The following CYP3A43 variants were observed in gnomAD, a reference collection of about 807,000 sequenced individuals.
CYP3A43 encodes cytochrome P450 3A43.
In CYP3A43, 45 loss-of-function variants were observed where a neutral mutation model predicts 58.0. The observed-to-expected ratio is 0.78, with a 90% CI of 0.61 to 0.99. The LOEUF (loss-of-function observed/expected upper bound fraction) is 0.99. Among genes scored for constraint, CYP3A43 ranks in the 50% least tolerant of loss-of-function variants. CYP3A43 has a pLI of 0.00. For missense variants in CYP3A43, 593 were observed against 591.9 expected, an observed-to-expected ratio of 1.00 and a Z score of -0.02; for synonymous variants, 191 against 201.4, an observed-to-expected ratio of 0.95 and a Z score of 0.44.
chr7:99,831,843 G>A (rs553894465), intron 1 of CYP3A43, among the ~76,000 whole-genome samples: 1 of 152,206 alleles, frequency 6.6e-6, no homozygotes, highest in African/African-American at 2.4e-5. Flanking sequence ...TGCACAAGAG[G>A]AGGAATGGCC....
chr7:99,834,302 C>A (rs995550982), intron 1 of CYP3A43, among the ~76,000 whole-genome samples: 1 of 152,004 alleles, frequency 6.6e-6, no homozygotes, highest in Non-Finnish European at 1.5e-5. Flanking sequence ...AGGTAGCTGG[C>A]CTATAGTATT....
chr7:99,844,281 T>A, intron 4 of CYP3A43, 39 bp downstream of exon 4: 1 of 1,579,188 alleles, frequency 6.3e-7, no homozygotes, highest in Non-Finnish European at 8.6e-7. Context: ...CAAATTTTTA[T>A]TCTTAAATGA....
At chr7:99,843,728 A>G (rs1245617305) in intron 3 of CYP3A43, among the ~76,000 whole-genome samples, 2 of 152,170 alleles carry the variant, frequency 1.3e-5, no homozygotes, top group Non-Finnish European at 2.9e-5. Context: ...GGCCTCCCCA[A>G]AGTGCTGGAA....
At position 99,849,698 on chromosome 7, in the gene CYP3A43, T is replaced by G; in HGVS notation, c.670+4T>G. The G allele has an allele frequency of 3.8e-6, 6 of 1,576,224 alleles. No homozygotes were observed. The highest frequency in any genetic ancestry group is 4.3e-6 in the Non-Finnish European group (5 of 1,168,218). On this transcript the variant is annotated splice_donor_region_variant and intron_variant, in intron 7 of 12. Transcript: ENST00000354829. ...GATCCCTTTTTACTCTTAATATGTA[T>G]GTGGACTTTTATGTTATTTCTCTCT...
At chr7:99,848,053 A>T in intron 5 of CYP3A43, 113 bp from the exon 6 acceptor site, 1 of 1,031,954 alleles carries the variant, frequency 9.7e-7, no homozygotes. Flanking sequence ...TTTATGTCCT[A>T]GAGGACATGG....
chr7:99,846,745 AT>A (rs1482526210), intron 4 of CYP3A43, among the ~76,000 whole-genome samples: 3 of 152,138 alleles, frequency 2.0e-5, no homozygotes, highest in Non-Finnish European at 4.4e-5. Flanking sequence ...GTTTTTCAGA[AT>A]ATCAAATTGA....
chr7:99,834,733 G>A (rs988468188), intron 1 of CYP3A43, among the ~76,000 whole-genome samples: 1 of 152,210 alleles, frequency 6.6e-6, no homozygotes, highest in African/African-American at 2.4e-5. Flanking sequence ...TAGGCAGATT[G>A]TTTCTCCTAC....
At position 99,859,996 on chromosome 7, in the gene CYP3A43, G is replaced by A. The variant is rs751710411; in HGVS notation, c.1026+6G>A. 4 of 1,579,424 alleles carry A rather than the reference G, an allele frequency of 2.5e-6. No homozygotes were observed. The Admixed American group carries it at 7.3e-5, about 29-fold the overall frequency. ...ACGCAGTTTTACCCAATAAGGTAAG[G>A]GGATGATCCCCTGGAGAAGGAGGGA... On this transcript the variant is annotated splice_donor_region_variant and intron_variant, in intron 10 of 12. Transcript: ENST00000354829.
At chr7:99,863,289 T>C (rs1818313552) in intron 11 of CYP3A43, among the ~76,000 whole-genome samples, 1 of 152,190 alleles carries the variant, frequency 6.6e-6, no homozygotes, top group African/African-American at 2.4e-5. Context: ...AAGGGCATTA[T>C]CACTTTCCTC....
intron 1 of CYP3A43, among the ~76,000 whole-genome samples, chr7:99,834,897 C>G (rs546673309): frequency 1.3e-5 from 2 of 152,300 alleles, no homozygotes; most frequent in South Asian, 4.1e-4. Flanking sequence ...CCTCCCATGG[C>G]CACTGGTCCC....
intron 3 of CYP3A43, among the ~76,000 whole-genome samples, chr7:99,841,883 A>C (rs1817346820): frequency 6.6e-6 from 1 of 152,168 alleles, no homozygotes; most frequent in Admixed American, 6.5e-5. Context: ...GTAGAAAAGG[A>C]TCTGACACAT....
intron 7 of CYP3A43, 143 bp from the exon 8 acceptor site, chr7:99,855,448 A>G (rs1332222437): frequency 7.3e-6 from 8 of 1,097,728 alleles, no homozygotes; most frequent in Non-Finnish European, 2.5e-6. Context: ...GTCATACAGG[A>G]AGAGGGGCAA....
intron 4 of CYP3A43, among the ~76,000 whole-genome samples, chr7:99,845,478 G>T (rs579424): frequency 5.9e-5 from 9 of 151,618 alleles, no homozygotes; most frequent in Non-Finnish European, 1.5e-5. Flanking sequence ...GTGCACCACC[G>T]TGCTCATCTA....
In CYP3A43 at chr7:99,847,454, A is replaced by T. The variant is rs768620485; in HGVS notation, c.319-34A>T. On this transcript the variant is annotated intron_variant, in intron 4 of 12. Transcript: ENST00000354829. Reference sequence around the variant, plus strand: ...ACAACTATGGAGATCTCTAAAACTTACGTAGGACAAACTGCTTCTGCTTTG... The same window carrying T: ...ACAACTATGGAGATCTCTAAAACTTTCGTAGGACAAACTGCTTCTGCTTTG... 2.7e-5 allele frequency: 44 copies of T among 1,603,174 alleles called. No homozygotes were observed. In the Admixed American group the frequency reaches 7.3e-4, roughly 27 times the overall value.
At chr7:99,859,032 T>C (rs1238165048) in intron 9 of CYP3A43, among the ~76,000 whole-genome samples, 1 of 150,536 alleles carries the variant, frequency 6.6e-6, no homozygotes, top group African/African-American at 2.5e-5. Context: ...CTACAGTCAA[T>C]CACCTCACTT....
intron 9 of CYP3A43, among the ~76,000 whole-genome samples, chr7:99,859,330 C>A (rs1019269331): frequency 3.3e-5 from 5 of 152,168 alleles, no homozygotes; most frequent in African/African-American, 1.2e-4. Context: ...CCCTTGGGTT[C>A]CCGCAAACAT....
intron 2 of CYP3A43, among the ~76,000 whole-genome samples, chr7:99,837,220 G>A (rs1435018624): frequency 6.7e-6 from 1 of 150,250 alleles, no homozygotes; most frequent in Non-Finnish European, 1.5e-5. Flanking sequence ...TCGGGAGGCT[G>A]AGGCAGGAGA....
In CYP3A43 at chr7:99,861,594, T is replaced by C. The variant is rs1818235058; in HGVS notation, c.1027-19T>C. The stretch of plus-strand genomic sequence containing the variant: ...AATTCCCAATCTCAATTTATCCAAA[T>C]CTGTTTCTTTCTTCCCAGGCACCTG... On this transcript the variant is annotated intron_variant, in intron 10 of 12. Transcript: ENST00000354829. The C allele has an allele frequency of 6.2e-7, 1 of 1,607,880 alleles. No individual in the cohort carries two copies. The highest frequency in any genetic ancestry group is 1.3e-5 in the African/African-American group (1 of 74,882).
chr7:99,863,649 G>A lies in CYP3A43; in HGVS notation c.1366G>A (p.Val456Ile). The change falls in exon 12 of 13, where the codon GTC becomes ATC. Residue 456 changes from valine (V) to isoleucine (I), a missense_variant. By Grantham distance (29) the Val-to-Ile change is conservative (BLOSUM62 3). Coordinates refer to ENST00000354829, the MANE Select transcript of CYP3A43 (RefSeq NM_057095.3). ...TGCTCTCACAAACATAAAACTTGCT[G>A]TCATTAGAGCACTGCAGAACTTCTC... ...RFALTNIKLAVIRALQNFSFK... is the reference protein window; with the variant it reads ...RFALTNIKLAIIRALQNFSFK... The A allele has an allele frequency of 6.2e-7, 1 of 1,613,834 alleles. No homozygotes were observed. Among genetic ancestry groups the A allele is most frequent in the Non-Finnish European group, 8.5e-7 (1 of 1,179,870 alleles).
Sources: gnomAD v4.1 joint callset for allele counts (sites outside exome capture counted in the v4.1 genomes callset) on GRCh38, gnomAD v4.1.1 for gene constraint, MANE v1.5 for transcripts, NCBI Gene and HGNC (gene_info 2026-07-23, HGNC 2026-07-21) for gene names.